GALNT2: variants seen among roughly 807,000 people sequenced by gnomAD.
GALNT2 encodes the protein UDP-GalNAc:polypeptide N-acetylgalactosaminyltransferase 2.
A neutral mutation model predicts 81.4 loss-of-function variants in GALNT2; 31 were observed. The observed-to-expected ratio is 0.38, with a 90% confidence interval of 0.29 to 0.51. The LOEUF (loss-of-function observed/expected upper bound fraction) is 0.51, where lower values mean the gene tolerates loss of function less well. GALNT2 is among the 20% of genes least tolerant of loss of function. The probability of loss-of-function intolerance (pLI) is 0.87; values close to 1 mark genes in which losing one functional copy is unlikely to be tolerated. For missense variants in GALNT2, 629 were observed against 765.7 expected (o/e 0.82, Z 2.11); for synonymous variants, 303 against 287.4 (o/e 1.05, Z -0.55).
At chr1:230,138,503 C>T (rs552846595) in intron 1 of GALNT2, among the ~76,000 whole-genome samples, 11 of 134,056 alleles carry the variant, frequency 8.2e-5, no homozygotes, top group Admixed American at 2.6e-4. Flanking sequence ...CCAGCCTGGG[C>T]GATGCAGCGA....
At chr1:230,236,748 G>C in intron 6 of GALNT2, 23 bp downstream of exon 6, 1 of 1,597,664 alleles carries the variant, frequency 6.3e-7, no homozygotes, top group Non-Finnish European at 8.5e-7. Flanking sequence ...TTAATTCAGC[G>C]CCAAGACAGT....
intron 1 of GALNT2, among the ~76,000 whole-genome samples, chr1:230,160,359 C>T (rs989931581): frequency 1.3e-5 from 2 of 152,152 alleles, no homozygotes; most frequent in Non-Finnish European, 2.9e-5. Flanking sequence ...GCCAGGATCA[C>T]ACACCATGCC....
intron 3 of GALNT2, among the ~76,000 whole-genome samples, chr1:230,235,124 G>A (rs979098840): frequency 4.7e-5 from 7 of 149,878 alleles, no homozygotes; most frequent in African/African-American, 1.5e-4. Flanking sequence ...TGAGGTAGGA[G>A]CATCACTTGA....
intron 14 of GALNT2, among the ~76,000 whole-genome samples, chr1:230,272,612 C>G (rs1437459643): frequency 6.6e-6 from 1 of 152,128 alleles, no homozygotes; most frequent in Non-Finnish European, 1.5e-5. Flanking sequence ...AGTCTTCAGA[C>G]AGGTGAAGGT....
At chr1:230,163,631 G>T (rs1662505887) in intron 1 of GALNT2, among the ~76,000 whole-genome samples, 1 of 152,238 alleles carries the variant, frequency 6.6e-6, no homozygotes, top group Admixed American at 6.5e-5. Flanking sequence ...ATTTGAATTT[G>T]CCTTCGAAGC....
At position 230,261,115 on chromosome 1, in the gene GALNT2, G is replaced by A. The variant is rs781720372; in HGVS notation, c.1137-1458G>A. On this transcript the variant is annotated intron_variant, in intron 11 of 15. Transcript: ENST00000366672. ...TTTTTTTTTTGCTATTATAAACAAA[G>A]CAGAAGTGAGCATATTTTCACATGT... Among the ~76,000 whole-genome samples the A allele has an allele frequency of 2.2e-3, 286 of 132,312 alleles. 1 individual carries two copies. Among genetic ancestry groups the A allele is most frequent in the Non-Finnish European group, 3.6e-3 (234 of 64,266 alleles). 86.8% of individuals were successfully genotyped at this position (132,312 alleles called of 152,430 possible).
chr1:230,207,930 A>G (rs1664116501), intron 3 of GALNT2, among the ~76,000 whole-genome samples: 1 of 152,112 alleles, frequency 6.6e-6, no homozygotes, highest in East Asian at 1.9e-4. Flanking sequence ...TTTTAAATTG[A>G]TATATCATAG....
chr1:230,244,595 A>G (rs528727147), intron 7 of GALNT2, among the ~76,000 whole-genome samples: 1 of 151,988 alleles, frequency 6.6e-6, no homozygotes, highest in Non-Finnish European at 1.5e-5. Flanking sequence ...AAGGTCACCG[A>G]GCTCAGTGGT....
At position 230,193,290 on chromosome 1, in the gene GALNT2, C is replaced by T. The variant is rs1663585265; in HGVS notation, c.221-9847C>T. On this transcript the variant is annotated intron_variant, in intron 2 of 15. Coordinates refer to ENST00000366672, the MANE Select transcript of GALNT2 (RefSeq NM_004481.5). The surrounding 1 kb of genome is among the most constrained non-coding windows in gnomAD (Gnocchi z 4.3). ...CTGAATCCACTGAGACTCTCAGTTT[C>T]CTGCACAACGGGACCTGCATCCAGG... 6.6e-6 allele frequency among the ~76,000 whole-genome samples: 1 copy of T among 152,196 alleles called. No individual in the cohort carries two copies. The highest frequency in any genetic ancestry group is 2.1e-4 in the South Asian group (1 of 4,830).
chr1:230,256,853 T>C (rs1275392084), intron 11 of GALNT2, among the ~76,000 whole-genome samples: 1 of 152,142 alleles, frequency 6.6e-6, no homozygotes, highest in Admixed American at 6.5e-5. Flanking sequence ...GAAGGTAAGA[T>C]GCAGTCATGT....
intron 3 of GALNT2, among the ~76,000 whole-genome samples, chr1:230,219,502 C>T (rs11122469): frequency 1.3e-4 from 20 of 151,818 alleles, no homozygotes; most frequent in African/African-American, 4.8e-4. Flanking sequence ...CTTGTCCTCC[C>T]TTCTGAGTCA....
At chr1:230,209,912 T>A (rs553755676) in intron 3 of GALNT2, among the ~76,000 whole-genome samples, 1 of 152,296 alleles carries the variant, frequency 6.6e-6, no homozygotes, top group South Asian at 2.1e-4. Context: ...CGATACAGCA[T>A]GACCGGCAGG....
chr1:230,223,525 G>C (rs566331760), intron 3 of GALNT2, among the ~76,000 whole-genome samples: 2 of 152,052 alleles, frequency 1.3e-5, no homozygotes, highest in East Asian at 3.9e-4. Flanking sequence ...CTGGAGTACA[G>C]TGGTGTGATC....
chr1:230,094,321 A>G (rs1173500893), intron 1 of GALNT2, among the ~76,000 whole-genome samples: 1 of 135,984 alleles, frequency 7.4e-6, no homozygotes, highest in East Asian at 2.2e-4. Flanking sequence ...TTATTTTTAT[A>G]TATTTAAGAA....
At chr1:230,071,062 G>T (rs2102742148) in intron 1 of GALNT2, among the ~76,000 whole-genome samples, 1 of 152,140 alleles carries the variant, frequency 6.6e-6, no homozygotes, top group African/African-American at 2.4e-5. Flanking sequence ...ACTGTTAGTG[G>T]GTGCTGAATA....
At chr1:230,157,523 G>A (rs1173229332) in intron 1 of GALNT2, among the ~76,000 whole-genome samples, 1 of 152,132 alleles carries the variant, frequency 6.6e-6, no homozygotes, top group African/African-American at 2.4e-5. Flanking sequence ...TGTGCTCTTG[G>A]GATTCATAAT....
At chr1:230,118,047 T>C (rs935459509) in intron 1 of GALNT2, among the ~76,000 whole-genome samples, 6 of 152,252 alleles carry the variant, frequency 3.9e-5, no homozygotes, top group African/African-American at 9.6e-5. Flanking sequence ...ATCTTTTTAC[T>C]GTCTCCATCA....
chr1:230,176,001 A>G lies in GALNT2; in HGVS notation c.127-2217A>G, dbSNP rs1662968613. 2.0e-5 allele frequency among the ~76,000 whole-genome samples: 3 copies of G among 152,124 alleles called. No individual in the cohort carries two copies. The South Asian group carries it at 6.2e-4, about 32-fold the overall frequency. On this transcript the variant is annotated intron_variant, in intron 1 of 15. Transcript: ENST00000366672. ...AAGACAGGAATTATAAAATGCAGGA[A>G]TGAGAGAGGGTCAATGCACAATGCT...
At chr1:230,217,347 A>G (rs905991248) in intron 3 of GALNT2, among the ~76,000 whole-genome samples, 1 of 152,122 alleles carries the variant, frequency 6.6e-6, no homozygotes, top group Non-Finnish European at 1.5e-5. Flanking sequence ...CTGGGAAGAG[A>G]GTTCTCATCA....
Sources: gnomAD v4.1 joint callset for allele counts (sites outside exome capture counted in the v4.1 genomes callset) on GRCh38, gnomAD v4.1.1 for gene constraint, Gnocchi (gnomAD v3.1) non-coding constraint, MANE v1.5 for transcripts, NCBI Gene and HGNC (gene_info 2026-07-23, HGNC 2026-07-21) for gene names.